The following TTLL3 variants were observed in gnomAD, a reference collection of about 807,000 sequenced individuals.
TTLL3 encodes tubulin tyrosine ligase like 3.
Under a neutral mutation model 75.2 loss-of-function variants are expected in TTLL3, and 63 were observed. The observed-to-expected ratio is 0.84, with a 90% confidence interval of 0.68 to 1.03. TTLL3 has a LOEUF of 1.03. TTLL3 is among the 50% of genes least tolerant of loss of function. The pLI is 0.00. For missense variants in TTLL3, 997 were observed against 1,069.9 expected, an observed-to-expected ratio of 0.93 and a Z score of 0.95; for synonymous variants, 393 against 418.5, an observed-to-expected ratio of 0.94 and a Z score of 0.74.
chr3:9,832,067 C>CA, intron 11 of TTLL3, among the ~76,000 whole-genome samples: 1 of 145,870 alleles, frequency 6.9e-6, no homozygotes, highest in Non-Finnish European at 1.5e-5. Context: ...CCACCGCGCC[C>CA]GGCAATAGCT....
At chr3:9,832,686 A>G (rs138441531) in intron 11 of TTLL3, among the ~76,000 whole-genome samples, 2 of 152,050 alleles carry the variant, frequency 1.3e-5, no homozygotes, top group African/African-American at 4.8e-5. Flanking sequence ...CATAACCTGG[A>G]TTCACACGAG....
rs144974382 is a variant in TTLL3, at chr3:9,829,376, T to C, written c.1664T>C (p.Phe555Ser). 3.1e-6 allele frequency: 5 copies of C among 1,601,184 alleles called. No individual in the cohort carries two copies. The African/African-American group carries it at 6.7e-5, about 21-fold the overall frequency. Residue 555 changes from phenylalanine (F) to serine (S), a missense_variant, in exon 11 of 14, where the codon TTT (phenylalanine) becomes TCT (serine). Phe to Ser is a radical substitution (Grantham distance 155, BLOSUM62 -2). Transcript: ENST00000685419. Reference protein sequence around the residue: ...MLDRNCDTGAFELIYKQPAVE... With the variant: ...MLDRNCDTGASELIYKQPAVE... The stretch of plus-strand genomic sequence containing the variant: ...GACCGCAACTGTGACACAGGAGCCT[T>C]TGAGCTCATCTATAAGCAGGTGAGG...
At chr3:9,813,438 T>C in intron 4 of TTLL3, 93 bp downstream of exon 4, 1 of 1,401,280 alleles carries the variant, frequency 7.1e-7, no homozygotes. Flanking sequence ...AAGTCCTTTC[T>C]TTCTCTGGGC....
intron 11 of TTLL3, among the ~76,000 whole-genome samples, chr3:9,831,593 G>C (rs1205999721): frequency 1.3e-5 from 2 of 152,132 alleles, no homozygotes; most frequent in African/African-American, 4.8e-5. Flanking sequence ...GCTCTGTCCA[G>C]ATTACACATT....
chr3:9,832,701 T>TA (rs1421368229), intron 11 of TTLL3, among the ~76,000 whole-genome samples: 3 of 152,322 alleles, frequency 2.0e-5, no homozygotes, highest in African/African-American at 7.2e-5. Flanking sequence ...CACGAGGCTC[T>TA]AGGCAGGCTC....
chr3:9,821,677 G>A (rs1346565962), intron 8 of TTLL3, among the ~76,000 whole-genome samples: 1 of 152,202 alleles, frequency 6.6e-6, no homozygotes. Context: ...TTTAGCTACT[G>A]GAAAATGTAA....
intron 11 of TTLL3, among the ~76,000 whole-genome samples, chr3:9,831,523 C>G (rs1332585948): frequency 6.6e-6 from 1 of 152,204 alleles, no homozygotes; most frequent in Admixed American, 6.5e-5. Context: ...CTACCAGATT[C>G]TCTCCATTAT....
chr3:9,822,575 G>T (rs929379273), intron 8 of TTLL3, among the ~76,000 whole-genome samples: 1 of 151,458 alleles, frequency 6.6e-6, no homozygotes, highest in South Asian at 2.1e-4. Context: ...CCAAGCTGGA[G>T]TGCAGTGGCG....
At chr3:9,818,454 C>T (rs574243862) in intron 6 of TTLL3, 5 of 189,464 alleles carry the variant, frequency 2.6e-5, no homozygotes, top group Admixed American at 5.6e-5. Flanking sequence ...CTGCAAGCTC[C>T]GCCTCCCAGG....
At chr3:9,812,371 C>T (rs951985514) in intron 2 of TTLL3, among the ~76,000 whole-genome samples, 4 of 152,068 alleles carry the variant, frequency 2.6e-5, no homozygotes, top group East Asian at 1.9e-4. Flanking sequence ...AAAAATTAGC[C>T]GGGCGCAGTG....
intron 6 of TTLL3, chr3:9,818,616 C>T: frequency 7.3e-7 from 1 of 1,376,950 alleles, no homozygotes; most frequent in Non-Finnish European, 9.5e-7. Context: ...GATCCATCCA[C>T]CTCAGCCTCC....
chr3:9,835,529 C>A lies in TTLL3; in HGVS notation c.*40C>A. On this transcript the variant is annotated 3_prime_UTR_variant, in exon 14 of 14. Coordinates refer to ENST00000685419, the MANE Select transcript of TTLL3 (RefSeq NM_001387446.1). ...CCTCCGTGCAGCGAGGCCCAGAATT[C>A]CCACCTAAGGACAGACATGGGGCTT... is the stretch of plus-strand genomic sequence containing the variant. The A allele has an allele frequency of 6.5e-7, 1 of 1,530,206 alleles. No individual in the cohort carries two copies. Among genetic ancestry groups the A allele is most frequent in the Non-Finnish European group, 8.8e-7 (1 of 1,141,898 alleles). The allele number at this position is 1,530,206 out of a possible 1,614,324, so 94.8% of individuals were successfully genotyped here.
At chr3:9,820,404 C>A (rs1203928923) in intron 7 of TTLL3, 142 bp from the exon 8 acceptor site, 16 of 1,513,466 alleles carry the variant, frequency 1.1e-5, no homozygotes, top group African/African-American at 1.4e-5. Flanking sequence ...AGCTAAGTGA[C>A]ACATCCCAGG....
chr3:9,823,393 A>G (rs2080688895), intron 8 of TTLL3, among the ~76,000 whole-genome samples: 1 of 145,856 alleles, frequency 6.9e-6, no homozygotes, highest in Non-Finnish European at 1.5e-5. Context: ...AAGAAAAAAC[A>G]AACAGCCAGT....
intron 12 of TTLL3, 106 bp downstream of exon 12, chr3:9,833,351 C>T: frequency 6.5e-7 from 1 of 1,533,810 alleles, no homozygotes; most frequent in Non-Finnish European, 8.8e-7. Context: ...ACCACTTCAG[C>T]CCCCGGAAAG....
intron 8 of TTLL3, among the ~76,000 whole-genome samples, chr3:9,823,423 T>A (rs950646738): frequency 1.4e-4 from 21 of 150,082 alleles, no homozygotes; most frequent in East Asian, 1.9e-4. Context: ...TTTTTTTTTT[T>A]AAATCCTGGA....
chr3:9,825,800 C>T lies in TTLL3; in HGVS notation c.855C>T (p.His285=), dbSNP rs146575088. 9.3e-4 allele frequency: 1,499 copies of T among 1,614,054 alleles called. 11 individuals are homozygous for T. In the East Asian group the frequency reaches 0.01, roughly 11 times the overall value. Residue 285 remains histidine (H), a splice_region_variant and synonymous_variant, in exon 9 of 14, where the codon CAC becomes CAT. Transcript: ENST00000685419. ...CCCAAGTTCTATCATTTCCCCACAG[C>T]GAAGGGGCAGAACTCAGGCACCTCG... The part of the protein sequence containing the change: ...LFLQRYYQVV[H]EGAELRHLDT...
chr3:9,823,801 C>G (rs899058936), intron 8 of TTLL3, among the ~76,000 whole-genome samples: 1 of 152,204 alleles, frequency 6.6e-6, no homozygotes, highest in Non-Finnish European at 1.5e-5. Context: ...GTTAGCTTCC[C>G]CTGAACAGGA....
chr3:9,828,941 T>C lies in TTLL3; in HGVS notation c.1248-19T>C, dbSNP rs115785717. On this transcript the variant is annotated intron_variant, in intron 10 of 13. Coordinates refer to ENST00000685419, the MANE Select transcript of TTLL3 (RefSeq NM_001387446.1). ...GAGACACAAGGGCCTGGACCTCAGT[T>C]TTCTGTTCTCTGCCCCAGCTCAGTG... 494 of 1,612,982 alleles carry C rather than the reference T, an allele frequency of 3.1e-4. 1 individual carries two copies. In the African/African-American group the frequency reaches 5.7e-3, roughly 18 times the overall value.
Sources: gnomAD v4.1 joint callset for allele counts (sites outside exome capture counted in the v4.1 genomes callset) on GRCh38, gnomAD v4.1.1 for gene constraint, MANE v1.5 for transcripts, NCBI Gene and HGNC (gene_info 2026-07-23, HGNC 2026-07-21) for gene names.